Variants in LAMA4 observed in about 807,000 individuals in gnomAD.
LAMA4 encodes laminin subunit alpha 4.
In LAMA4, 127 loss-of-function variants were observed where a neutral mutation model predicts 207.1. That is an observed-to-expected ratio of 0.61 (90% CI 0.53 to 0.71). The LOEUF is 0.71. Among genes scored for constraint, LAMA4 ranks in the 30% least tolerant of loss-of-function variants. LAMA4 has a pLI of 0.00. For synonymous variants in LAMA4, 761 were observed against 816.0 expected (o/e 0.93, Z 1.15); for missense variants, 2,093 against 2,246.5 (o/e 0.93, Z 1.38).
intron 16 of LAMA4, among the ~76,000 whole-genome samples, chr6:112,153,054 G>C (rs1780491482): frequency 6.6e-6 from 1 of 151,980 alleles, no homozygotes; most frequent in Admixed American, 6.6e-5. Context: ...GTTCTATTTG[G>C]AATTTACTGA....
chr6:112,206,916 T>C (rs1784088326), intron 4 of LAMA4, 105 bp downstream of exon 4: 1 of 1,359,744 alleles, frequency 7.4e-7, no homozygotes, highest in Non-Finnish European at 1.0e-6. Flanking sequence ...AGGTTTTGCC[T>C]GTGGAGAAAC....
chr6:112,219,546 C>G (rs782099158), intron 2 of LAMA4: 1 of 151,934 alleles, frequency 6.6e-6, no homozygotes, highest in African/African-American at 2.4e-5. Flanking sequence ...GTGCCATGGC[C>G]TTTTTAAAAA....
chr6:112,206,887 C>T lies in LAMA4; in HGVS notation c.422+134G>A, dbSNP rs773517989. On this transcript the variant is annotated intron_variant, in intron 4 of 38. Coordinates refer to ENST00000230538, the MANE Select transcript of LAMA4 (RefSeq NM_001105206.3). ...ACTAGAAACTTTTTCTATATCTTTT[C>T]CAGTCTCATCTCAATATGAGGTTTT... The T allele has an allele frequency of 4.4e-5, 45 of 1,012,860 alleles. No individual in the cohort carries two copies. The South Asian group carries it at 6.1e-4, about 14-fold the overall frequency. 62.7% of individuals were successfully genotyped at this position (1,012,860 alleles called of 1,614,324 possible).
At position 112,108,812 on chromosome 6, in the gene LAMA4, A is replaced by G. The variant is rs1435032350; in HGVS notation, c.*625T>C. 4 of 152,470 alleles carry G rather than the reference A, an allele frequency of 2.6e-5. No homozygotes were observed. The highest frequency in any genetic ancestry group is 5.9e-5 in the Non-Finnish European group (4 of 68,246). The allele number at this position is 152,470 out of a possible 1,614,324, so 9.4% of individuals were successfully genotyped here. Reference sequence around the variant, plus strand: ...AAGGAGATAAGGAAGGGGAAAAAGTAGTTGATTTCCTGTGTTTCTTATTTA... The same window carrying G: ...AAGGAGATAAGGAAGGGGAAAAAGTGGTTGATTTCCTGTGTTTCTTATTTA... On this transcript the variant is annotated 3_prime_UTR_variant, in exon 39 of 39. Transcript: ENST00000230538.
chr6:112,254,029 G>C lies in LAMA4; in HGVS notation c.122C>G (p.Ala41Gly), dbSNP rs553474007. Residue 41 changes from alanine (A) to glycine (G), a missense_variant, in exon 2 of 39, where the codon GCG becomes GGG. Coordinates refer to ENST00000230538, the MANE Select transcript of LAMA4 (RefSeq NM_001105206.3). ...CTCAGGCGGGTCTTGCCTGCCAACCGCTGAGCTCCCTTCAATGTCAAAAGG... is the reference window on the plus strand; with the variant it reads ...CTCAGGCGGGTCTTGCCTGCCAACCCCTGAGCTCCCTTCAATGTCAAAAGG... ...AFPFDIEGSS[A>G]VGRQDPPETS... The C allele has an allele frequency of 6.3e-7, 1 of 1,594,150 alleles. No individual in the cohort carries two copies.
intron 2 of LAMA4, among the ~76,000 whole-genome samples, chr6:112,240,686 A>G (rs138149974): frequency 1.3e-5 from 2 of 152,302 alleles, no homozygotes; most frequent in East Asian, 3.9e-4. Flanking sequence ...TTAACTTAAC[A>G]TAAAGTTTCA....
At chr6:112,181,698 T>G (rs1256821431) in intron 9 of LAMA4, among the ~76,000 whole-genome samples, 7 of 152,206 alleles carry the variant, frequency 4.6e-5, no homozygotes, top group African/African-American at 1.7e-4. Flanking sequence ...TTTCTCTTAT[T>G]AAATGCTGTA....
intron 4 of LAMA4, among the ~76,000 whole-genome samples, chr6:112,204,786 C>T (rs1391778131): frequency 6.6e-6 from 1 of 152,206 alleles, no homozygotes; most frequent in Non-Finnish European, 1.5e-5. Context: ...TTTCTACCCT[C>T]ACTGTGAGTA....
chr6:112,190,911 C>A (rs1246865888), intron 6 of LAMA4, among the ~76,000 whole-genome samples: 2 of 94,800 alleles, frequency 2.1e-5, no homozygotes, highest in African/African-American at 8.0e-5. Flanking sequence ...TTCTTTCTTT[C>A]TTTCTTTCTT....
chr6:112,138,783 T>C (rs782449138), intron 24 of LAMA4, among the ~76,000 whole-genome samples: 12 of 152,176 alleles, frequency 7.9e-5, no homozygotes, highest in Non-Finnish European at 1.8e-4. Context: ...ATGCAAGCTT[T>C]GCTTTAAAAT....
intron 23 of LAMA4, among the ~76,000 whole-genome samples, 181 bp downstream of exon 23, chr6:112,139,571 C>T (rs1779560591): frequency 6.6e-6 from 1 of 152,208 alleles, no homozygotes; most frequent in African/African-American, 2.4e-5. Context: ...ACACTTCATA[C>T]TTGGGCATGC....
chr6:112,178,384 A>G, intron 9 of LAMA4, 152 bp from the exon 10 acceptor site: 1 of 667,264 alleles, frequency 1.5e-6, no homozygotes, highest in East Asian at 2.7e-5. Context: ...TCCCAAAAAT[A>G]ATGCATGAAA....
In LAMA4 at chr6:112,191,655, C is replaced by A. The variant is rs782229172; in HGVS notation, c.699G>T (p.Arg233Ser). Reference sequence around the variant, plus strand: ...CTGCACCTGCACAGTTCTTGGCTATCCTGGCGTCCCCATAGTAGCCAGGAG... The same window carrying A: ...CTGCACCTGCACAGTTCTTGGCTATACTGGCGTCCCCATAGTAGCCAGGAG... ...RCAPGYYGDA[R>S]IAKNCAVCNC... The change falls in exon 6 of 39, where the codon AGG becomes AGT. Residue 233 changes from arginine (R) to serine (S), a missense_variant. By Grantham distance (110) the Arg-to-Ser change is moderately radical. This residue lies in a region of LAMA4 where 1,704 missense variants were observed against 1,788.4 expected (regional missense o/e 0.95). Transcript: ENST00000230538. 3.1e-6 allele frequency: 5 copies of A among 1,613,810 alleles called. No individual in the cohort carries two copies. The South Asian group carries it at 4.4e-5, about 14-fold the overall frequency.
intron 6 of LAMA4, among the ~76,000 whole-genome samples, chr6:112,189,846 T>C (rs993166979): frequency 6.6e-6 from 1 of 152,200 alleles, no homozygotes; most frequent in Non-Finnish European, 1.5e-5. Flanking sequence ...CTGATGATTT[T>C]CTGTAATGCC....
chr6:112,204,322 T>C (rs1017856943), intron 4 of LAMA4, among the ~76,000 whole-genome samples: 2 of 152,128 alleles, frequency 1.3e-5, no homozygotes, highest in Non-Finnish European at 2.9e-5. Context: ...TCTCAGTCCA[T>C]AGGGAATGAT....
chr6:112,169,478 C>T (rs1208834377), intron 12 of LAMA4, among the ~76,000 whole-genome samples: 1 of 152,184 alleles, frequency 6.6e-6, no homozygotes, highest in Non-Finnish European at 1.5e-5. Flanking sequence ...AATAAGGATG[C>T]AGACCCACAA....
chr6:112,165,328 G>T, intron 12 of LAMA4, 52 bp from the exon 13 acceptor site: 2 of 1,184,632 alleles, frequency 1.7e-6, no homozygotes, highest in Non-Finnish European at 1.3e-6. Context: ...TTTAGGGAAA[G>T]CGTTGGGGAG....
At position 112,113,023 on chromosome 6, in the gene LAMA4, G is replaced by A. The variant is rs587662145; in HGVS notation, c.5326+1053C>T. On this transcript the variant is annotated intron_variant, in intron 38 of 38. Transcript: ENST00000230538. The stretch of plus-strand genomic sequence containing the variant: ...AGTTACTAGAGGCTGGGAAGGGAAG[G>A]GGGAAGAAGGAGATGAAAATAACTT... Among the ~76,000 whole-genome samples the A allele has an allele frequency of 2.6e-5, 4 of 152,248 alleles. No individual in the cohort carries two copies. In the East Asian group the frequency reaches 7.7e-4, roughly 29 times the overall value.
Position 112,235,326 on chromosome 6 carries a change from T to A in LAMA4, c.195+18630A>T, listed in dbSNP as rs150003533. Reference sequence around the variant, plus strand: ...CTCGAGAAACAGGTATTATATATATTTTTTTGCTGTTAGAAGACTAGGGTG... The same window carrying A: ...CTCGAGAAACAGGTATTATATATATATTTTTGCTGTTAGAAGACTAGGGTG... On this transcript the variant is annotated intron_variant, in intron 2 of 38. Transcript: ENST00000230538. Among the ~76,000 whole-genome samples the A allele has an allele frequency of 7.9e-5, 12 of 152,294 alleles. No individual in the cohort carries two copies. In the East Asian group the frequency reaches 2.1e-3, roughly 27 times the overall value.
Sources: gnomAD v4.1 joint callset for allele counts (sites outside exome capture counted in the v4.1 genomes callset) on GRCh38, gnomAD v4.1.1 for gene constraint, gnomAD v4.1.1 regional missense constraint, MANE v1.5 for transcripts, NCBI Gene and HGNC (gene_info 2026-07-23, HGNC 2026-07-21) for gene names.